MAP3K13: variants seen among roughly 807,000 people sequenced by gnomAD.
MAP3K13 encodes the protein mitogen-activated protein kinase kinase kinase 13.
In MAP3K13, 52 loss-of-function variants were observed where a neutral mutation model predicts 104.0. That is an observed-to-expected ratio of 0.50 (90% CI 0.40 to 0.63). The LOEUF (loss-of-function observed/expected upper bound fraction) is 0.63, where lower values mean the gene tolerates loss of function less well. MAP3K13 is among the 20% of genes least tolerant of loss of function. The pLI is 0.00. For missense variants in MAP3K13, 914 were observed against 1,218.5 expected (o/e 0.75, Z 3.72); for synonymous variants, 394 against 442.2 (o/e 0.89, Z 1.37).
intron 1 of MAP3K13, among the ~76,000 whole-genome samples, chr3:185,420,552 A>G (rs1714057314): frequency 6.6e-6 from 1 of 152,220 alleles, no homozygotes; most frequent in South Asian, 2.1e-4. Flanking sequence ...GCAGTGTTGT[A>G]TTCATTTTTA....
At chr3:185,329,409 T>A (rs1185149219) in intron 2 of MAP3K13, 1 of 538,198 alleles carries the variant, frequency 1.9e-6, no homozygotes, top group African/African-American at 1.9e-5. Context: ...GAGGTTTTGA[T>A]GTTCAAAGAA....
At chr3:185,395,357 C>CTTTTTT (rs770336517) in intron 1 of MAP3K13, among the ~76,000 whole-genome samples, 381 of 66,760 alleles carry the variant, frequency 5.7e-3, no homozygotes, top group East Asian at 0.02. Context: ...AATATTATTT[C>CTTTTTT]TTTTTTTTTT....
intron 1 of MAP3K13, among the ~76,000 whole-genome samples, chr3:185,396,199 C>T (rs1712407686): frequency 6.6e-6 from 1 of 151,738 alleles, no homozygotes; most frequent in East Asian, 2.0e-4. Context: ...GGTGAAACCC[C>T]GTCTCTACTA....
At chr3:185,301,469 A>G (rs1721108480) in intron 2 of MAP3K13, among the ~76,000 whole-genome samples, 1 of 152,170 alleles carries the variant, frequency 6.6e-6, no homozygotes, top group African/African-American at 2.4e-5. Flanking sequence ...CTGTAGTCCC[A>G]TTTGTCTAAT....
intron 1 of MAP3K13, among the ~76,000 whole-genome samples, chr3:185,377,481 C>T (rs1336501646): frequency 6.6e-6 from 1 of 152,074 alleles, no homozygotes; most frequent in Non-Finnish European, 1.5e-5. Flanking sequence ...CAGGAATAGT[C>T]AGGGAAGCAG....
intron 3 of MAP3K13, among the ~76,000 whole-genome samples, chr3:185,438,873 T>C (rs1715181885): frequency 6.6e-6 from 1 of 152,212 alleles, no homozygotes; most frequent in African/African-American, 2.4e-5. Context: ...CTTTGTGATA[T>C]ATTTGATATG....
At chr3:185,331,939 C>A (rs1722299859) in intron 2 of MAP3K13, among the ~76,000 whole-genome samples, 1 of 152,088 alleles carries the variant, frequency 6.6e-6, no homozygotes, top group South Asian at 2.1e-4. Flanking sequence ...AATCTCTTTC[C>A]ATGTAAGTAC....
intron 2 of MAP3K13, among the ~76,000 whole-genome samples, chr3:185,325,593 G>A (rs895968290): frequency 6.6e-6 from 1 of 152,148 alleles, no homozygotes; most frequent in East Asian, 1.9e-4. Context: ...GTAGAGGGGT[G>A]GTTAAAAGCT....
chr3:185,488,835 G>A lies in MAP3K13; in HGVS notation c.*6379G>A, dbSNP rs1336681816. ...TCAGAGTGACCACTTCCCAGACTCT[G>A]GAAGTGGGAAGACCCTCTTTGACGC... is the stretch of plus-strand genomic sequence containing the variant. On this transcript the variant is annotated 3_prime_UTR_variant, in exon 14 of 14. Transcript: ENST00000265026. 6.6e-6 allele frequency: 1 copy of A among 152,206 alleles called. No individual in the cohort carries two copies. Among genetic ancestry groups the A allele is most frequent in the South Asian group, 2.1e-4 (1 of 4,830 alleles). The allele number at this position is 152,206 out of a possible 1,614,324, so 9.4% of individuals were successfully genotyped here. A position where few individuals can be genotyped will look rare whatever the true frequency, so the allele number is the denominator to read the frequency against.
intron 2 of MAP3K13, among the ~76,000 whole-genome samples, chr3:185,436,008 C>A (rs149933466): frequency 2.0e-4 from 30 of 152,308 alleles, no homozygotes; most frequent in African/African-American, 7.2e-4. Flanking sequence ...ATTTTTCTCA[C>A]TCCGTGGGGC....
intron 4 of MAP3K13, among the ~76,000 whole-genome samples, chr3:185,446,290 C>G (rs1351246369): frequency 1.3e-5 from 2 of 150,072 alleles, no homozygotes; most frequent in African/African-American, 4.9e-5. Flanking sequence ...GGGTCTCGCT[C>G]TGTCGCCCAG....
In MAP3K13 at chr3:185,487,605, C is replaced by G. The variant is rs941163649; in HGVS notation, c.*5149C>G. On this transcript the variant is annotated 3_prime_UTR_variant, in exon 14 of 14. Coordinates refer to ENST00000265026, the MANE Select transcript of MAP3K13 (RefSeq NM_004721.5). ...CAATTTTTTTTTCCTTTTCTTAAAA[C>G]AGTCCCACTTGAACTTCCTGGAACT... 2 of 151,950 alleles carry G rather than the reference C, an allele frequency of 1.3e-5. No homozygotes were observed. The highest frequency in any genetic ancestry group is 2.4e-5 in the African/African-American group (1 of 41,350). 9.4% of individuals were successfully genotyped at this position (151,950 alleles called of 1,614,324 possible). A position where few individuals can be genotyped will look rare whatever the true frequency, so the allele number is the denominator to read the frequency against.
At position 185,313,331 on chromosome 3, in the gene MAP3K13, G is replaced by A. The variant is rs550810084; in HGVS notation, c.-86+27688G>A. Among the ~76,000 whole-genome samples the A allele has an allele frequency of 5.4e-5, 8 of 147,122 alleles. No individual in the cohort carries two copies. In the South Asian group the frequency reaches 1.3e-3, roughly 24 times the overall value. ...TTCATCCAGGCTGGAGTGCAGTGGCGTGATCTCGGCTCACTGCAACCTTTG... is the reference window on the plus strand; with the variant it reads ...TTCATCCAGGCTGGAGTGCAGTGGCATGATCTCGGCTCACTGCAACCTTTG... On this transcript the variant is annotated intron_variant, in intron 2 of 14. Coordinates refer to the MAP3K13 transcript ENST00000424227.
intron 2 of MAP3K13, among the ~76,000 whole-genome samples, chr3:185,322,647 A>G (rs1721907363): frequency 1.3e-5 from 2 of 152,258 alleles, no homozygotes; most frequent in South Asian, 2.1e-4. Flanking sequence ...GGACAATTCA[A>G]CTAGGACATT....
chr3:185,479,493 CTAA>C (rs1718325460), intron 12 of MAP3K13, among the ~76,000 whole-genome samples: 1 of 152,160 alleles, frequency 6.6e-6, no homozygotes, highest in Admixed American at 6.5e-5. Context: ...CTATGACTCT[CTAA>C]ATAAGAGGCA....
intron 2 of MAP3K13, among the ~76,000 whole-genome samples, chr3:185,302,303 C>T (rs1214719894): frequency 6.6e-6 from 1 of 151,836 alleles, no homozygotes; most frequent in Non-Finnish European, 1.5e-5. Flanking sequence ...ATCCCAGCTA[C>T]CTGGGAGGCT....
intron 1 of MAP3K13, among the ~76,000 whole-genome samples, 156 bp from the exon 2 acceptor site, chr3:185,428,341 G>A (rs1400708922): frequency 6.6e-6 from 1 of 151,922 alleles, no homozygotes; most frequent in African/African-American, 2.4e-5. Context: ...CTCTTCCACA[G>A]CATAATTTTT....
intron 1 of MAP3K13, among the ~76,000 whole-genome samples, chr3:185,364,738 T>C (rs1366369528): frequency 6.6e-6 from 1 of 152,212 alleles, no homozygotes; most frequent in Non-Finnish European, 1.5e-5. Flanking sequence ...GCTGGAGTAA[T>C]AGAGGGAAAA....
chr3:185,340,233 A>G (rs1722669910), intron 2 of MAP3K13, among the ~76,000 whole-genome samples: 1 of 152,232 alleles, frequency 6.6e-6, no homozygotes, highest in South Asian at 2.1e-4. Flanking sequence ...TGTGGAATAA[A>G]GTATGCAGTT....
Sources: gnomAD v4.1 joint callset for allele counts (sites outside exome capture counted in the v4.1 genomes callset) on GRCh38, gnomAD v4.1.1 for gene constraint, MANE v1.5 for transcripts, NCBI Gene and HGNC (gene_info 2026-07-23, HGNC 2026-07-21) for gene names.